Variants in IL1RAPL1 observed in about 807,000 individuals in gnomAD.
IL1RAPL1 encodes the protein interleukin 1 receptor accessory protein like 1, also known as interleukin-1 receptor accessory protein-like 1.
A neutral mutation model predicts 48.4 loss-of-function variants in IL1RAPL1; 3 were observed. The observed-to-expected ratio is 0.06, with a 90% CI of 0.03 to 0.16. The LOEUF is 0.16. Ranked by LOEUF, IL1RAPL1 falls within the 10% of genes least tolerant of loss-of-function variation. The pLI is 1.00. For missense variants in IL1RAPL1, 349 were observed against 530.6 expected (o/e 0.66, Z 3.36); for synonymous variants, 185 against 187.7 (o/e 0.99, Z 0.12).
chrX:28,674,692 T>G (rs991402443), intron 1 of IL1RAPL1, among the ~76,000 whole-genome samples: 2 of 111,544 alleles, frequency 1.8e-5, no homozygotes, highest in Non-Finnish European at 3.8e-5. Context: ...ACCTGAGAAT[T>G]TTTACGTTTT....
chrX:28,923,479 C>T (rs780514662), intron 2 of IL1RAPL1, among the ~76,000 whole-genome samples: 4 of 111,179 alleles, frequency 3.6e-5, no homozygotes, highest in Non-Finnish European at 7.5e-5. Flanking sequence ...CCAGCCTGTA[C>T]GTTTCTTTAT....
chrX:29,399,852 G>T (rs1933971242), intron 5 of IL1RAPL1, among the ~76,000 whole-genome samples: 1 of 109,813 alleles, frequency 9.1e-6, no homozygotes, highest in Non-Finnish European at 1.9e-5. Context: ...GTTAGCTTTT[G>T]AAAGTACTTG....
At chrX:28,820,843 A>G (rs190428229) in intron 2 of IL1RAPL1, among the ~76,000 whole-genome samples, 1 of 111,187 alleles carries the variant, frequency 9.0e-6, no homozygotes, top group Admixed American at 9.6e-5. Flanking sequence ...CTTGGAAACT[A>G]ATGGCCCATT....
chrX:28,874,905 C>G (rs1922329267), intron 2 of IL1RAPL1, among the ~76,000 whole-genome samples: 2 of 111,906 alleles, frequency 1.8e-5, no homozygotes, highest in African/African-American at 3.2e-5. Flanking sequence ...AGTCTTTGTT[C>G]TATCTAAATA....
intron 1 of IL1RAPL1, among the ~76,000 whole-genome samples, chrX:28,684,188 A>C (rs1312627731): frequency 8.9e-6 from 1 of 112,328 alleles, no homozygotes; most frequent in Non-Finnish European, 1.9e-5. Context: ...ATGGCACCTT[A>C]TATTTGTTAT....
chrX:29,803,612 T>C (rs1336472290), intron 6 of IL1RAPL1, among the ~76,000 whole-genome samples: 3 of 102,982 alleles, frequency 2.9e-5, no homozygotes, highest in South Asian at 4.3e-4. Flanking sequence ...TATATACACG[T>C]GTGTATATAT....
At chrX:28,721,522 A>C (rs1213363428) in intron 1 of IL1RAPL1, among the ~76,000 whole-genome samples, 29 of 111,003 alleles carry the variant, frequency 2.6e-4, no homozygotes, top group African/African-American at 8.5e-4. Flanking sequence ...AGATTGCAAA[A>C]ATTTTCTCCC....
At chrX:29,639,146 A>G (rs917226607) in intron 5 of IL1RAPL1, among the ~76,000 whole-genome samples, 3 of 105,672 alleles carry the variant, frequency 2.8e-5, no homozygotes, top group South Asian at 8.8e-4. Context: ...AGATCGGGCC[A>G]TTGCACTCCA....
chrX:28,808,351 T>C (rs1332812878), intron 2 of IL1RAPL1, among the ~76,000 whole-genome samples: 2 of 111,434 alleles, frequency 1.8e-5, no homozygotes, highest in African/African-American at 6.5e-5. Context: ...TGTAAATTAG[T>C]GTTCAATGAC....
intron 3 of IL1RAPL1, among the ~76,000 whole-genome samples, chrX:29,387,983 ACT>A (rs1416416633): frequency 1.1e-4 from 12 of 105,456 alleles, no homozygotes; most frequent in Non-Finnish European, 3.9e-5. Context: ...AAAGAGCAAG[ACT>A]CTGTCTGAAA....
At chrX:29,500,091 C>A (rs1935255922) in intron 5 of IL1RAPL1, among the ~76,000 whole-genome samples, 1 of 110,449 alleles carries the variant, frequency 9.1e-6, no homozygotes, top group Non-Finnish European at 1.9e-5. Flanking sequence ...ATTCTCCCTG[C>A]CTCAGCCTCC....
At chrX:29,336,673 G>A (rs12009644) in intron 3 of IL1RAPL1, among the ~76,000 whole-genome samples, 6,938 of 110,784 alleles carry the variant, frequency 0.063, 523 homozygotes, top group African/African-American at 0.22. Context: ...GCTTAAGTTC[G>A]ATGAAGCATA....
intron 5 of IL1RAPL1, among the ~76,000 whole-genome samples, chrX:29,556,912 A>C (rs1483223514): frequency 4.5e-5 from 5 of 111,814 alleles, no homozygotes; most frequent in African/African-American, 1.6e-4. Context: ...ACCTAAACCT[A>C]ACCCTTGATT....
intron 5 of IL1RAPL1, among the ~76,000 whole-genome samples, chrX:29,458,742 C>T (rs1468509904): frequency 9.4e-6 from 1 of 106,393 alleles, no homozygotes; most frequent in Non-Finnish European, 1.9e-5. Flanking sequence ...TTTTTTGAGA[C>T]AGGGTGTCGC....
intron 1 of IL1RAPL1, among the ~76,000 whole-genome samples, chrX:28,771,227 C>G (rs919323663): frequency 9.0e-6 from 1 of 111,707 alleles, no homozygotes; most frequent in Non-Finnish European, 1.9e-5. Flanking sequence ...CACCTGGAAA[C>G]GATTGCATTC....
rs1055811480 is a variant in IL1RAPL1, at chrX:29,067,149, T to C, written c.83-215789T>C. Reference sequence around the variant, plus strand: ...GTAATTATTGTTGTTTCCTTGGGAGTTGGACTACAGAGCTCATCATACTGC... The same window carrying C: ...GTAATTATTGTTGTTTCCTTGGGAGCTGGACTACAGAGCTCATCATACTGC... On this transcript the variant is annotated intron_variant, in intron 2 of 10. Transcript: ENST00000378993. 7.2e-5 allele frequency among the ~76,000 whole-genome samples: 8 copies of C among 111,557 alleles called. No homozygotes were observed. The Admixed American group carries it at 7.6e-4, about 11-fold the overall frequency.
intron 6 of IL1RAPL1, among the ~76,000 whole-genome samples, chrX:29,672,631 C>T (rs941715601): frequency 9.0e-6 from 1 of 111,689 alleles, no homozygotes; most frequent in Non-Finnish European, 1.9e-5. Flanking sequence ...GACCTTCCTC[C>T]AGATTCTATG....
intron 2 of IL1RAPL1, among the ~76,000 whole-genome samples, chrX:28,880,042 T>C (rs1683909569): frequency 8.9e-6 from 1 of 112,029 alleles, no homozygotes; most frequent in Non-Finnish European, 1.9e-5. Flanking sequence ...TGCTGAGAAG[T>C]TCTCTCTGCA....
chrX:29,283,988 G>A (rs1235162857), intron 3 of IL1RAPL1, among the ~76,000 whole-genome samples: 1 of 112,907 alleles, frequency 8.9e-6, no homozygotes, highest in Non-Finnish European at 1.9e-5. Context: ...GAATGATCAT[G>A]TATGTCATTG....
Sources: gnomAD v4.1 joint callset for allele counts (sites outside exome capture counted in the v4.1 genomes callset) on GRCh38, gnomAD v4.1.1 for gene constraint, MANE v1.5 for transcripts, NCBI Gene and HGNC (gene_info 2026-07-23, HGNC 2026-07-21) for gene names.